Variants in GRB10 observed in about 807,000 individuals in gnomAD.
GRB10 encodes growth factor receptor bound protein 10, also known as growth factor receptor-bound protein 10.
Under a neutral mutation model 80.9 loss-of-function variants are expected in GRB10, and 20 were observed. That is an observed-to-expected ratio of 0.25 (90% confidence interval 0.17 to 0.36). The LOEUF (loss-of-function observed/expected upper bound fraction) is 0.36. Among genes scored for constraint, GRB10 ranks in the 10% least tolerant of loss-of-function variants. The pLI is 1.00. For missense variants in GRB10, 548 were observed against 747.7 expected (o/e 0.73, Z 3.12); for synonymous variants, 291 against 291.5 (o/e 1.00, Z 0.02).
chr7:50,656,069 T>C (rs1364626963), intron 7 of GRB10, among the ~76,000 whole-genome samples: 1 of 152,170 alleles, frequency 6.6e-6, no homozygotes, highest in Non-Finnish European at 1.5e-5. Context: ...ACCCAGGCAG[T>C]ACCTGCATGT....
At chr7:50,780,221 G>A (rs754423440) in intron 2 of GRB10, among the ~76,000 whole-genome samples, 2 of 152,212 alleles carry the variant, frequency 1.3e-5, no homozygotes, top group African/African-American at 2.4e-5. Flanking sequence ...TGCCCAGCCA[G>A]TGAATTCTGT....
chr7:50,629,714 G>A (rs994552705), intron 7 of GRB10, among the ~76,000 whole-genome samples: 4 of 152,232 alleles, frequency 2.6e-5, no homozygotes, highest in Non-Finnish European at 4.4e-5. Context: ...ACAGGGTACT[G>A]CCAGCCACTG....
intron 7 of GRB10, among the ~76,000 whole-genome samples, chr7:50,645,837 C>CTA (rs2057099152): frequency 6.6e-6 from 1 of 152,172 alleles, no homozygotes; most frequent in South Asian, 2.1e-4. Flanking sequence ...GTGCGAGGCC[C>CTA]TAGGCAGTGA....
chr7:50,640,904 C>G (rs2056101486), intron 7 of GRB10, among the ~76,000 whole-genome samples: 1 of 152,148 alleles, frequency 6.6e-6, no homozygotes, highest in Non-Finnish European at 1.5e-5. Flanking sequence ...GCCTTCCATC[C>G]TCAGCTTTGC....
rs931303592 is a variant in GRB10 at position 50,782,477 on chromosome 7, G to T, written c.-380C>A. The T allele has an allele frequency of 6.7e-6, 1 of 149,448 alleles. No individual in the cohort carries two copies. Among genetic ancestry groups the T allele is most frequent in the Admixed American group, 6.7e-5 (1 of 15,028 alleles). The allele number at this position is 149,448 out of a possible 1,614,324, so 9.3% of individuals were successfully genotyped here. A position where few individuals can be genotyped will look rare whatever the true frequency, so the allele number is the denominator to read the frequency against. ...ACGGGGTCGCTGCGTGTGCGCCGCC[G>T]GCCCGGGTAGGGCTTCGGGGCCCGG... On this transcript the variant is annotated 5_prime_UTR_variant, in exon 1 of 19. Coordinates refer to ENST00000401949, the MANE Select transcript of GRB10 (RefSeq NM_001350814.2). The surrounding 1 kb of genome is among the most constrained non-coding windows in gnomAD (Gnocchi z 6.6).
chr7:50,767,867 G>A (rs893103786), intron 2 of GRB10, among the ~76,000 whole-genome samples: 1 of 152,180 alleles, frequency 6.6e-6, no homozygotes, highest in African/African-American at 2.4e-5. Flanking sequence ...AGAAGCCCAA[G>A]CTGTGCCTCT....
intron 13 of GRB10, among the ~76,000 whole-genome samples, chr7:50,608,163 G>A (rs532062142): frequency 3.3e-5 from 5 of 152,142 alleles, no homozygotes; most frequent in African/African-American, 7.2e-5. Flanking sequence ...AGCCCGCTCC[G>A]AGCATATATC....
intron 3 of GRB10, among the ~76,000 whole-genome samples, chr7:50,752,070 A>C (rs572660600): frequency 6.6e-6 from 1 of 152,206 alleles, no homozygotes; most frequent in African/African-American, 2.4e-5. Context: ...TCCCAGCGCA[A>C]TCCAGTGGGG....
At chr7:50,702,596 C>T (rs1240820153) in intron 5 of GRB10, among the ~76,000 whole-genome samples, 3 of 152,152 alleles carry the variant, frequency 2.0e-5, no homozygotes, top group African/African-American at 4.8e-5. Flanking sequence ...AACATAGTGA[C>T]GTGTTCATCC....
intron 7 of GRB10, among the ~76,000 whole-genome samples, chr7:50,665,818 C>T (rs2059738699): frequency 6.6e-6 from 1 of 152,246 alleles, no homozygotes; most frequent in Admixed American, 6.5e-5. Flanking sequence ...CAGACGGTGA[C>T]ATCCCAGCAC....
chr7:50,761,817 A>T (rs577573010), intron 2 of GRB10: 3 of 152,298 alleles, frequency 2.0e-5, no homozygotes, highest in Admixed American at 6.5e-5. Context: ...ATGGTTTAGC[A>T]CCATCCTCGT....
At chr7:50,662,990 A>G in intron 7 of GRB10, among the ~76,000 whole-genome samples, 1 of 152,186 alleles carries the variant, frequency 6.6e-6, no homozygotes, top group East Asian at 1.9e-4. Flanking sequence ...CATAACATAG[A>G]TTCATTTGTT....
At chr7:50,606,732 A>G in intron 13 of GRB10, 1 of 342,510 alleles carries the variant, frequency 2.9e-6, no homozygotes, top group Non-Finnish European at 5.5e-6. Flanking sequence ...TCTACACCAT[A>G]TTTTTATAAG....
intron 4 of GRB10, among the ~76,000 whole-genome samples, chr7:50,704,311 A>C (rs1260996250): frequency 6.6e-6 from 1 of 152,240 alleles, no homozygotes; most frequent in African/African-American, 2.4e-5. Context: ...AAACATCTAG[A>C]GAGTGTTTTA....
chr7:50,742,269 G>A (rs60112702), intron 3 of GRB10, among the ~76,000 whole-genome samples: 202 of 32,688 alleles, frequency 6.2e-3, no homozygotes, highest in Middle Eastern at 0.05. Flanking sequence ...GCACGCGCGC[G>A]CGCACACACA....
At chr7:50,740,158 CCT>C (rs1468470043) in intron 3 of GRB10, among the ~76,000 whole-genome samples, 1 of 152,206 alleles carries the variant, frequency 6.6e-6, no homozygotes, top group Non-Finnish European at 1.5e-5. Flanking sequence ...CAGAATTTCT[CCT>C]CTCTCCCCCA....
intron 12 of GRB10, among the ~76,000 whole-genome samples, chr7:50,614,456 C>A (rs1315296316): frequency 2.0e-5 from 3 of 152,158 alleles, no homozygotes; most frequent in Non-Finnish European, 4.4e-5. Context: ...CTTGCCCCAC[C>A]TCCCCTTCCA....
chr7:50,787,195 G>A (rs1235984756), upstream of GRB10, among the ~76,000 whole-genome samples: 3 of 152,022 alleles, frequency 2.0e-5, no homozygotes, highest in Non-Finnish European at 2.9e-5. Flanking sequence ...GTGGGGATGG[G>A]ACAAAGGGCA....
chr7:50,602,922 A>G (rs2047866706), intron 17 of GRB10, among the ~76,000 whole-genome samples: 1 of 152,088 alleles, frequency 6.6e-6, no homozygotes, highest in Non-Finnish European at 1.5e-5. Flanking sequence ...AGAGGAGGAG[A>G]AAAGGGAAAA....
Sources: gnomAD v4.1 joint callset for allele counts (sites outside exome capture counted in the v4.1 genomes callset) on GRCh38, gnomAD v4.1.1 for gene constraint, Gnocchi (gnomAD v3.1) non-coding constraint, MANE v1.5 for transcripts, NCBI Gene and HGNC (gene_info 2026-07-23, HGNC 2026-07-21) for gene names.